HS6ST2: variants seen among roughly 807,000 people sequenced by gnomAD.
HS6ST2 encodes the protein heparan-sulfate 6-O-sulfotransferase 2.
A neutral mutation model predicts 33.0 loss-of-function variants in HS6ST2; 17 were observed. The observed-to-expected ratio is 0.52, with a 90% CI of 0.35 to 0.77. The LOEUF (loss-of-function observed/expected upper bound fraction) is 0.77. Ranked by LOEUF, HS6ST2 falls within the 30% of genes least tolerant of loss-of-function variation. HS6ST2 has a pLI of 0.01. For missense variants in HS6ST2, 519 were observed against 551.7 expected, an observed-to-expected ratio of 0.94 and a Z score of 0.59; for synonymous variants, 248 against 237.1, an observed-to-expected ratio of 1.05 and a Z score of -0.42.
chrX:132,891,073 A>G (rs942949786), intron 2 of HS6ST2, among the ~76,000 whole-genome samples: 8 of 106,526 alleles, frequency 7.5e-5, no homozygotes, highest in Non-Finnish European at 1.4e-4. Flanking sequence ...TTTCTCCTGG[A>G]GCACTGGTTT....
chrX:132,904,713 GAC>G (rs2066456006), intron 2 of HS6ST2, among the ~76,000 whole-genome samples: 1 of 98,772 alleles, frequency 1.0e-5, no homozygotes, highest in African/African-American at 3.7e-5. Flanking sequence ...TTTTTGTAAA[GAC>G]AGAGATCTCG....
intron 2 of HS6ST2, among the ~76,000 whole-genome samples, chrX:132,863,348 C>T: frequency 9.0e-6 from 1 of 111,616 alleles, no homozygotes; most frequent in Non-Finnish European, 1.9e-5. Context: ...GAGACAGAGT[C>T]TCACGCTGTT....
chrX:132,909,761 C>T (rs1431010537), intron 2 of HS6ST2, among the ~76,000 whole-genome samples: 1 of 111,223 alleles, frequency 9.0e-6, no homozygotes, highest in African/African-American at 3.3e-5. Context: ...ATAGTTCTTA[C>T]CCTGGTTTCC....
chrX:132,825,682 A>G (rs1447364050), intron 2 of HS6ST2, among the ~76,000 whole-genome samples: 1 of 112,025 alleles, frequency 8.9e-6, no homozygotes, highest in Non-Finnish European at 1.9e-5. Context: ...AAAGAATTTG[A>G]TACAGGGACT....
At chrX:132,864,447 C>A (rs1049081754) in intron 2 of HS6ST2, among the ~76,000 whole-genome samples, 4 of 106,353 alleles carry the variant, frequency 3.8e-5, no homozygotes, top group Admixed American at 3.1e-4. Context: ...GAGAACTTCA[C>A]GAAGGATACA....
chrX:132,953,408 G>A (rs1018434839), intron 2 of HS6ST2, among the ~76,000 whole-genome samples: 8 of 110,990 alleles, frequency 7.2e-5, no homozygotes, highest in Admixed American at 1.9e-4. Context: ...ACGTGATCAC[G>A]GTTGTTTCTA....
chrX:132,932,158 C>G (rs1711668368), intron 2 of HS6ST2, among the ~76,000 whole-genome samples: 1 of 103,603 alleles, frequency 9.7e-6, no homozygotes, highest in South Asian at 4.8e-4. Flanking sequence ...TGCACTTCAG[C>G]CTGGGTGACA....
At chrX:132,868,074 A>G (rs1377071161) in intron 2 of HS6ST2, among the ~76,000 whole-genome samples, 1 of 112,090 alleles carries the variant, frequency 8.9e-6, no homozygotes, top group African/African-American at 3.2e-5. Flanking sequence ...GGCTCAAAAT[A>G]AAGGGATGGA....
At position 132,683,229 on chromosome X, in the gene HS6ST2, T is replaced by A. The variant is rs747209750; in HGVS notation, c.981-14030A>T. On this transcript the variant is annotated intron_variant, in intron 3 of 4. Coordinates refer to ENST00000370833, the MANE Select transcript of HS6ST2 (RefSeq NM_001394073.1). ...GCATTTTATTTCAATTAAGGGGTCA[T>A]GTCCTTTACAGCCTGCTTGCCAGGA... is the stretch of plus-strand genomic sequence containing the variant. Among the ~76,000 whole-genome samples, 9 of 112,242 alleles carry A rather than the reference T, an allele frequency of 8.0e-5. No homozygotes were observed. In the South Asian group the frequency reaches 3.4e-3, roughly 42 times the overall value.
At chrX:132,651,702 G>C (rs1183298303) in intron 4 of HS6ST2, among the ~76,000 whole-genome samples, 12 of 111,669 alleles carry the variant, frequency 1.1e-4, no homozygotes, top group African/African-American at 3.6e-4. Context: ...CCATAAAAAG[G>C]GCCTAACAGA....
At chrX:132,792,111 A>AT (rs1177395262) in intron 2 of HS6ST2, among the ~76,000 whole-genome samples, 1 of 112,757 alleles carries the variant, frequency 8.9e-6, no homozygotes, top group African/African-American at 3.2e-5. Context: ...CTCAAAGGGA[A>AT]TAGCAATCTG....
chrX:132,917,793 C>T (rs2066608767), intron 2 of HS6ST2, among the ~76,000 whole-genome samples: 1 of 111,551 alleles, frequency 9.0e-6, no homozygotes, highest in South Asian at 3.8e-4. Flanking sequence ...CACGTGACCC[C>T]ACAGGAGAGG....
At chrX:132,703,194 G>C (rs2064159201) in intron 3 of HS6ST2, among the ~76,000 whole-genome samples, 1 of 112,177 alleles carries the variant, frequency 8.9e-6, no homozygotes, top group African/African-American at 3.2e-5. Flanking sequence ...GCTCTGACAG[G>C]AGCTCTGGGC....
intron 2 of HS6ST2, among the ~76,000 whole-genome samples, chrX:132,743,614 A>G (rs777486289): frequency 9.0e-6 from 1 of 111,519 alleles, no homozygotes; most frequent in African/African-American, 3.3e-5. Context: ...CAGCTATGAG[A>G]GAGGGCGAGG....
chrX:132,901,884 C>A (rs1174593647), intron 2 of HS6ST2, among the ~76,000 whole-genome samples: 1 of 110,896 alleles, frequency 9.0e-6, no homozygotes, highest in Non-Finnish European at 1.9e-5. Context: ...AGGCCAGAGA[C>A]TTTACAGGAG....
chrX:132,803,116 G>A (rs1293984115), intron 2 of HS6ST2, among the ~76,000 whole-genome samples: 1 of 111,323 alleles, frequency 9.0e-6, no homozygotes, highest in Non-Finnish European at 1.9e-5. Context: ...TTCCAGATCC[G>A]AGGCTCTCTA....
In HS6ST2 at chrX:132,714,767, C is replaced by T. The variant is rs1462550946; in HGVS notation, c.948-6273G>A. Among the ~76,000 whole-genome samples, 5 of 111,468 alleles carry T rather than the reference C, an allele frequency of 4.5e-5. No individual in the cohort carries two copies. In the East Asian group the frequency reaches 1.1e-3, roughly 25 times the overall value. On this transcript the variant is annotated intron_variant, in intron 2 of 4. Transcript: ENST00000370833. ...GGGGCCAAAGTCAGAGTAGATAAGT[C>T]TGTCTTCAGTGTGCCACTCTTCCCA...
At chrX:132,875,949 A>C (rs1025110380) in intron 2 of HS6ST2, among the ~76,000 whole-genome samples, 1 of 111,365 alleles carries the variant, frequency 9.0e-6, no homozygotes, top group African/African-American at 3.3e-5. Flanking sequence ...GAAAAAAAAA[A>C]AACTCAGCCT....
intron 2 of HS6ST2, among the ~76,000 whole-genome samples, chrX:132,772,190 C>T (rs1470071729): frequency 9.0e-6 from 1 of 111,158 alleles, no homozygotes; most frequent in Non-Finnish European, 1.9e-5. Flanking sequence ...AAGTTGAACA[C>T]ACACAAAATG....
Sources: gnomAD v4.1 joint callset for allele counts (sites outside exome capture counted in the v4.1 genomes callset) on GRCh38, gnomAD v4.1.1 for gene constraint, MANE v1.5 for transcripts, NCBI Gene and HGNC (gene_info 2026-07-23, HGNC 2026-07-21) for gene names.